The following FKBP9 variants were observed in gnomAD, a reference collection of about 807,000 sequenced individuals.
FKBP9 encodes peptidyl-prolyl cis-trans isomerase FKBP9.
FKBP9 carries 27 observed loss-of-function variants against 55.6 expected under a neutral mutation model. The ratio of observed to expected loss-of-function variants is 0.49; its 90% CI spans 0.36 to 0.67. The LOEUF is 0.67. FKBP9 is among the 30% of genes least tolerant of loss of function. FKBP9 has a pLI of 0.00. For missense variants in FKBP9, 539 were observed against 742.8 expected (o/e 0.73, Z 3.19); for synonymous variants, 267 against 296.5 (o/e 0.90, Z 1.02).
At chr7:32,988,778 A>G (rs1216696225) in intron 6 of FKBP9, 126 bp downstream of exon 6, 11 of 903,982 alleles carry the variant, frequency 1.2e-5, no homozygotes, top group African/African-American at 3.4e-5. Context: ...AACAGGCTGG[A>G]AAGTGTAGTG....
chr7:33,005,369 T>C lies in FKBP9; in HGVS notation c.*18T>C. 6.2e-7 allele frequency: 1 copy of C among 1,613,878 alleles called. No individual in the cohort carries two copies. ...AACTCTAAACCTGGCATGAACCAGA[T>C]GGTGCCAGGGAGTACGTGACACCAA... On this transcript the variant is annotated 3_prime_UTR_variant, in exon 10 of 10. Coordinates refer to ENST00000242209, the MANE Select transcript of FKBP9 (RefSeq NM_007270.5).
chr7:32,971,572 C>A (rs1311315700), intron 1 of FKBP9, among the ~76,000 whole-genome samples: 3 of 152,044 alleles, frequency 2.0e-5, no homozygotes, highest in Non-Finnish European at 4.4e-5. Context: ...CCTCTGCCTC[C>A]CAGGTTCAAG....
chr7:33,002,900 G>A (rs1020725190), intron 9 of FKBP9, 61 bp downstream of exon 9: 13 of 1,560,446 alleles, frequency 8.3e-6, no homozygotes, highest in African/African-American at 6.8e-5. Context: ...TGGTAAGGCC[G>A]TGGGGCCGGT....
At position 33,006,318 on chromosome 7, in the gene FKBP9, G is replaced by A; in HGVS notation, c.*967G>A. The A allele has an allele frequency of 5.2e-6, 1 of 191,566 alleles. No individual in the cohort carries two copies. Among genetic ancestry groups the A allele is most frequent in the East Asian group, 8.3e-5 (1 of 12,026 alleles). The allele number at this position is 191,566 out of a possible 1,614,324, so 11.9% of individuals were successfully genotyped here. ...TTTTTAGTAGAGACGGGGTTTCACT[G>A]TGTTGGCCAGGATGGTCTCAATCTC... On this transcript the variant is annotated 3_prime_UTR_variant, in exon 10 of 10. Transcript: ENST00000242209.
At chr7:32,979,271 G>GA (rs112212455) in intron 4 of FKBP9, among the ~76,000 whole-genome samples, 3,445 of 141,868 alleles carry the variant, frequency 0.024, 116 homozygotes, top group African/African-American at 0.082. Flanking sequence ...TCCGTCTCAA[G>GA]AAAAAAAAAA....
In FKBP9 at chr7:33,002,751, G is replaced by T; in HGVS notation, c.1448G>T (p.Gly483Val). ...LLELVAGLPE[G>V]YMFIWNGEVS... is the part of the protein sequence containing the mutation. Reference sequence around the variant, plus strand: ...GAGCTGGTGGCTGGCCTTCCTGAGGGGTACATGTTCATATGGAATGGTGAG... The same window carrying T: ...GAGCTGGTGGCTGGCCTTCCTGAGGTGTACATGTTCATATGGAATGGTGAG... The change falls in exon 9 of 10, where the codon GGG becomes GTG. Residue 483 changes from glycine (G) to valine (V), a missense_variant. This residue lies in a region of FKBP9 where 102 missense variants were observed against 200.7 expected (regional missense o/e 0.51). Transcript: ENST00000242209. 1 of 1,614,206 alleles carries T rather than the reference G, an allele frequency of 6.2e-7. No individual in the cohort carries two copies. The highest frequency in any genetic ancestry group is 8.5e-7 in the Non-Finnish European group (1 of 1,180,040).
chr7:32,981,188 CTT>C (rs1220299208), intron 5 of FKBP9, among the ~76,000 whole-genome samples: 11 of 151,792 alleles, frequency 7.2e-5, no homozygotes. Context: ...AGCTGTATGA[CTT>C]TGGATAGTGT....
intron 6 of FKBP9, among the ~76,000 whole-genome samples, chr7:32,994,046 C>T (rs1562573674): frequency 6.6e-6 from 1 of 151,928 alleles, no homozygotes; most frequent in Admixed American, 6.6e-5. Flanking sequence ...TATATATACC[C>T]AAGAAAGATA....
At chr7:33,003,839 C>T (rs1426244035) in intron 9 of FKBP9, among the ~76,000 whole-genome samples, 6 of 152,172 alleles carry the variant, frequency 3.9e-5, no homozygotes, top group South Asian at 2.1e-4. Context: ...TTAAGTCACT[C>T]GCTCAGTGGT....
chr7:32,976,241 A>T (rs1274567621), intron 3 of FKBP9, 113 bp from the exon 4 acceptor site: 33 of 1,172,838 alleles, frequency 2.8e-5, no homozygotes, highest in Non-Finnish European at 3.6e-5. Context: ...TATCTCTAGG[A>T]TGGGTATGGG....
chr7:32,980,537 A>C lies in FKBP9; in HGVS notation c.877A>C (p.Thr293Pro). 6.2e-7 allele frequency: 1 copy of C among 1,613,054 alleles called. No homozygotes were observed. Among genetic ancestry groups the C allele is most frequent in the Non-Finnish European group, 8.5e-7 (1 of 1,179,630 alleles). Residue 293 changes from threonine to proline, a missense_variant, in exon 5 of 10, where the codon ACC (threonine) becomes CCC (proline). This residue lies in a region of FKBP9 where 172 missense variants were observed against 205.3 expected (regional missense o/e 0.84). Coordinates refer to ENST00000242209, the MANE Select transcript of FKBP9 (RefSeq NM_007270.5). ...YHYNGTLLDG[T>P]LFDSSYSRNR... ...TTACAATGGCACGCTTCTGGATGGCACCCTCTTTGATTCCAGGTAAGGAAA... is the reference window on the plus strand; with the variant it reads ...TTACAATGGCACGCTTCTGGATGGCCCCCTCTTTGATTCCAGGTAAGGAAA...
intron 5 of FKBP9, among the ~76,000 whole-genome samples, chr7:32,984,632 C>T (rs1784541638): frequency 6.6e-6 from 1 of 152,180 alleles, no homozygotes; most frequent in South Asian, 2.1e-4. Context: ...TTCCTGTCAG[C>T]CCCTTCCATT....
intron 3 of FKBP9, among the ~76,000 whole-genome samples, chr7:32,975,803 C>T (rs1474675009): frequency 3.3e-5 from 5 of 152,008 alleles, no homozygotes; most frequent in Admixed American, 6.6e-5. Context: ...CATGCCACCA[C>T]ACCAAGCTAA....
chr7:32,988,640 G>A lies in FKBP9; in HGVS notation c.1027G>A (p.Glu343Lys), dbSNP rs776748124. The A allele has an allele frequency of 5.0e-6, 8 of 1,613,858 alleles. No homozygotes were observed. The highest frequency in any genetic ancestry group is 2.7e-5 in the African/African-American group (2 of 74,928). The change falls in exon 6 of 10, where the codon GAG (glutamate) becomes AAG (lysine). Residue 343 changes from glutamate to lysine, a missense_variant. Glu to Lys is a moderately conservative substitution (Grantham distance 56, BLOSUM62 1). Transcript: ENST00000242209. ...IVVPPHLGYG[E>K]EGRGNIPGSA... is the part of the protein sequence containing the mutation. ...GGTCCCGCCTCACCTGGGGTATGGA[G>A]AGGAAGGAAGAGGTGAGCATCAGCA... is the stretch of plus-strand genomic sequence containing the variant.
intron 1 of FKBP9, among the ~76,000 whole-genome samples, chr7:32,964,366 T>C (rs1423621435): frequency 1.3e-5 from 2 of 152,252 alleles, no homozygotes; most frequent in African/African-American, 2.4e-5. Context: ...CTGTGAAAAA[T>C]GGGAATCATC....
chr7:32,967,081 C>A (rs1169150789), intron 1 of FKBP9, among the ~76,000 whole-genome samples: 2 of 152,196 alleles, frequency 1.3e-5, no homozygotes, highest in African/African-American at 2.4e-5. Flanking sequence ...CTAAAGGGCC[C>A]GGTTCCTGTC....
At chr7:32,983,045 C>T (rs550896637) in intron 5 of FKBP9, among the ~76,000 whole-genome samples, 25 of 143,758 alleles carry the variant, frequency 1.7e-4, no homozygotes, top group South Asian at 8.8e-4. Context: ...TGTTTTGAGA[C>T]GGAGTTTCGC....
intron 9 of FKBP9, among the ~76,000 whole-genome samples, chr7:33,004,569 A>G (rs1436172248): frequency 1.3e-5 from 2 of 151,934 alleles, no homozygotes; most frequent in African/African-American, 4.8e-5. Context: ...CTTCTCCTTA[A>G]AGTTTTATCC....
chr7:33,006,633 G>A lies in FKBP9; in HGVS notation c.*1282G>A, dbSNP rs1785046394. Reference sequence around the variant, plus strand: ...GCTGCCCATTTGTGTCCTGGAGACGGTGGTACCCTGAAGGCAGAGGCCAGC... The same window carrying A: ...GCTGCCCATTTGTGTCCTGGAGACGATGGTACCCTGAAGGCAGAGGCCAGC... On this transcript the variant is annotated 3_prime_UTR_variant, in exon 10 of 10. Transcript: ENST00000242209. 9.3e-6 allele frequency: 2 copies of A among 213,986 alleles called. No homozygotes were observed. Among genetic ancestry groups the A allele is most frequent in the South Asian group, 3.7e-4 (2 of 5,368 alleles). 13.3% of individuals were successfully genotyped at this position (213,986 alleles called of 1,614,324 possible). A position where few individuals can be genotyped will look rare whatever the true frequency, so the allele number is the denominator to read the frequency against.
Sources: gnomAD v4.1 joint callset for allele counts (sites outside exome capture counted in the v4.1 genomes callset) on GRCh38, gnomAD v4.1.1 for gene constraint, gnomAD v4.1.1 regional missense constraint, MANE v1.5 for transcripts, NCBI Gene and HGNC (gene_info 2026-07-23, HGNC 2026-07-21) for gene names.